DPP10: variants seen among roughly 807,000 people sequenced by gnomAD.
DPP10 encodes the protein dipeptidyl peptidase like 10.
DPP10 carries 33 observed loss-of-function variants against 120.9 expected under a neutral mutation model. The observed-to-expected ratio is 0.27, with a 90% CI of 0.21 to 0.37. DPP10 has a LOEUF of 0.37. Ranked by LOEUF, DPP10 falls within the 10% of genes least tolerant of loss-of-function variation. The pLI, the probability that DPP10 is intolerant of heterozygous loss-of-function variation, is 1.00. For synonymous variants in DPP10, 337 were observed against 326.1 expected (o/e 1.03, Z -0.36); for missense variants, 816 against 942.8 (o/e 0.87, Z 1.76).
intron 17 of DPP10, among the ~76,000 whole-genome samples, chr2:115,787,354 A>G (rs1017352257): frequency 2.6e-4 from 40 of 152,234 alleles, no homozygotes; most frequent in Non-Finnish European, 7.3e-5. Flanking sequence ...AGCTGTTACA[A>G]ATACATAAAG....
At chr2:115,697,782 G>A (rs927673182) in intron 7 of DPP10, among the ~76,000 whole-genome samples, 59 of 151,882 alleles carry the variant, frequency 3.9e-4, no homozygotes, top group Admixed American at 4.6e-4. Context: ...TCGGGAGATC[G>A]AGACCATCCT....
chr2:115,730,479 C>T (rs563066557), intron 8 of DPP10, among the ~76,000 whole-genome samples: 1 of 152,164 alleles, frequency 6.6e-6, no homozygotes, highest in South Asian at 2.1e-4. Context: ...TGACGTGCTC[C>T]CTTGGTGATA....
chr2:114,485,523 G>A (rs1681436996), intron 1 of DPP10, among the ~76,000 whole-genome samples: 1 of 146,662 alleles, frequency 6.8e-6, no homozygotes, highest in Non-Finnish European at 1.5e-5. Flanking sequence ...GTTTGATTAT[G>A]TGTCATTCAG....
At chr2:115,201,203 C>G (rs1458554599) in intron 1 of DPP10, among the ~76,000 whole-genome samples, 1 of 152,176 alleles carries the variant, frequency 6.6e-6, no homozygotes, top group African/African-American at 2.4e-5. Flanking sequence ...TGGCTCATGC[C>G]TGTAATCCTA....
At chr2:114,751,645 G>C (rs1044899703) in intron 1 of DPP10, among the ~76,000 whole-genome samples, 1 of 152,226 alleles carries the variant, frequency 6.6e-6, no homozygotes, top group Non-Finnish European at 1.5e-5. Flanking sequence ...CAATGAGCTA[G>C]CAGAAGGTTA....
intron 1 of DPP10, among the ~76,000 whole-genome samples, chr2:114,892,347 C>T (rs1321478302): frequency 2.0e-5 from 3 of 152,116 alleles, no homozygotes; most frequent in Admixed American, 2.0e-4. Flanking sequence ...CTCTGTGTAC[C>T]CAGTTAGATT....
intron 1 of DPP10, among the ~76,000 whole-genome samples, chr2:114,803,304 G>C (rs570586399): frequency 6.6e-6 from 1 of 152,324 alleles, no homozygotes; most frequent in African/African-American, 2.4e-5. Context: ...TCTTGGGTAT[G>C]TCTTTATCAG....
intron 2 of DPP10, among the ~76,000 whole-genome samples, chr2:115,331,858 C>T (rs11680536): frequency 0.78 from 116,177 of 149,580 alleles, 45,302 homozygotes; most frequent in Non-Finnish European, 0.82. Flanking sequence ...CATCAATGTT[C>T]ATCAGGGATA....
At chr2:114,513,521 C>CAAAAAAAAAAAAA (rs10712243) in intron 1 of DPP10, among the ~76,000 whole-genome samples, 2 of 74,982 alleles carry the variant, frequency 2.7e-5, no homozygotes, top group Admixed American at 1.7e-4. Flanking sequence ...AACTCTACCT[C>CAAAAAAAAAAAAA]AAAAAAAAAA....
chr2:114,930,093 G>A (rs1695956839), intron 1 of DPP10, among the ~76,000 whole-genome samples: 1 of 152,168 alleles, frequency 6.6e-6, no homozygotes, highest in African/African-American at 2.4e-5. Flanking sequence ...CTCTGGGCTT[G>A]TGATGTGGGG....
At chr2:115,202,350 A>G (rs1239675542) in intron 1 of DPP10, among the ~76,000 whole-genome samples, 1 of 152,216 alleles carries the variant, frequency 6.6e-6, no homozygotes, top group East Asian at 1.9e-4. Flanking sequence ...AATGAAAAAT[A>G]TATGCTAATT....
intron 1 of DPP10, among the ~76,000 whole-genome samples, chr2:115,245,011 C>T (rs1574145143): frequency 6.6e-6 from 1 of 151,896 alleles, no homozygotes; most frequent in South Asian, 2.1e-4. Flanking sequence ...CCCTTCCCCC[C>T]GAGTCTCCAA....
intron 1 of DPP10, among the ~76,000 whole-genome samples, chr2:114,526,251 C>A (rs2104697918): frequency 6.6e-6 from 1 of 152,302 alleles, no homozygotes; most frequent in African/African-American, 2.4e-5. Context: ...CAATCACCAA[C>A]ACAAAGATAG....
At chr2:115,553,183 T>C (rs1344082092) in intron 5 of DPP10, among the ~76,000 whole-genome samples, 1 of 152,104 alleles carries the variant, frequency 6.6e-6, no homozygotes, top group Non-Finnish European at 1.5e-5. Flanking sequence ...TTTATGCAAG[T>C]CTACAGTCAT....
intron 1 of DPP10, among the ~76,000 whole-genome samples, chr2:115,209,692 A>T (rs568442145): frequency 9.2e-5 from 14 of 152,312 alleles, no homozygotes; most frequent in African/African-American, 3.1e-4. Context: ...AGCTCAGAAC[A>T]GCAAAGAAAA....
At position 115,545,082 on chromosome 2, in the gene DPP10, A is replaced by T. The variant is rs1270625687; in HGVS notation, c.441+19110A>T. Among the ~76,000 whole-genome samples, 3 of 152,196 alleles carry T rather than the reference A, an allele frequency of 2.0e-5. No homozygotes were observed. The East Asian group carries it at 5.8e-4, about 29-fold the overall frequency. On this transcript the variant is annotated intron_variant, in intron 5 of 25. Coordinates refer to ENST00000410059, the MANE Select transcript of DPP10 (RefSeq NM_020868.6). ...CCCAAAAAAGTCAAGTGACAAAAAAATCTAGGCAGCGGCAGAGTCTGACCT... is the reference window on the plus strand; with the variant it reads ...CCCAAAAAAGTCAAGTGACAAAAAATTCTAGGCAGCGGCAGAGTCTGACCT...
chr2:114,594,500 A>G (rs1573746744), intron 1 of DPP10, among the ~76,000 whole-genome samples: 1 of 147,830 alleles, frequency 6.8e-6, no homozygotes, highest in Non-Finnish European at 1.5e-5. Flanking sequence ...ATACATATAT[A>G]TTATATATAC....
intron 4 of DPP10, among the ~76,000 whole-genome samples, chr2:115,508,549 G>T (rs1224337469): frequency 6.6e-6 from 1 of 152,182 alleles, no homozygotes; most frequent in Non-Finnish European, 1.5e-5. Flanking sequence ...TAATATCCAT[G>T]TCAGAATTTC....
chr2:115,752,152 G>A (rs1389134728), intron 10 of DPP10, among the ~76,000 whole-genome samples: 5 of 152,152 alleles, frequency 3.3e-5, no homozygotes, highest in Admixed American at 1.3e-4. Flanking sequence ...TCCGTGACAC[G>A]TGGATGGCTG....
Sources: allele counts gnomAD v4.1 joint callset (sites outside exome capture counted in the v4.1 genomes callset), GRCh38; gene constraint gnomAD v4.1.1; transcripts MANE v1.5; gene names NCBI Gene and HGNC (gene_info 2026-07-23, HGNC 2026-07-21).